The following TIAM1 variants were observed in gnomAD, a reference collection of about 807,000 sequenced individuals.
TIAM1 encodes the protein TIAM Rac1 associated GEF 1, also known as rho guanine nucleotide exchange factor TIAM1.
In TIAM1, 65 loss-of-function variants were observed where a neutral mutation model predicts 163.5. The ratio of observed to expected loss-of-function variants is 0.40; its 90% CI spans 0.33 to 0.49. The LOEUF (loss-of-function observed/expected upper bound fraction) is 0.49, where lower values mean the gene tolerates loss of function less well. Ranked by LOEUF, TIAM1 falls within the 20% of genes least tolerant of loss-of-function variation. TIAM1 has a pLI of 0.77. For synonymous variants in TIAM1, 833 were observed against 810.1 expected, an observed-to-expected ratio of 1.03 and a Z score of -0.48; for missense variants, 1,789 against 2,044.7, an observed-to-expected ratio of 0.87 and a Z score of 2.41.
intron 1 of TIAM1, among the ~76,000 whole-genome samples, chr21:31,532,366 T>G (rs536179938): frequency 6.6e-6 from 1 of 152,304 alleles, no homozygotes; most frequent in Admixed American, 6.5e-5. Context: ...CTCTTCTTGA[T>G]AGGCTGAGCC....
chr21:31,316,328 T>C (rs767287205), intron 2 of TIAM1, among the ~76,000 whole-genome samples: 19 of 152,094 alleles, frequency 1.2e-4, no homozygotes, highest in Non-Finnish European at 2.4e-4. Context: ...TCACTGCTTG[T>C]TCCCAATTAA....
chr21:31,139,242 A>G (rs1254555221), intron 22 of TIAM1, among the ~76,000 whole-genome samples: 1 of 152,192 alleles, frequency 6.6e-6, no homozygotes, highest in African/African-American at 2.4e-5. Context: ...TTTGCTCCTA[A>G]GGTCATTACA....
At chr21:31,210,592 A>AAGAGAG (rs368451168) in intron 10 of TIAM1, among the ~76,000 whole-genome samples, 1 of 88,694 alleles carries the variant, frequency 1.1e-5, no homozygotes, top group Admixed American at 1.3e-4. Flanking sequence ...GAAAGAAAGA[A>AAGAGAG]AGAGAGAAAG....
At chr21:31,400,883 C>G (rs1025588216) in intron 2 of TIAM1, among the ~76,000 whole-genome samples, 7 of 151,696 alleles carry the variant, frequency 4.6e-5, no homozygotes. Flanking sequence ...CTGAGGTCGG[C>G]AGTTCGAGAC....
chr21:31,557,426 G>T (rs528629089), intron 1 of TIAM1, among the ~76,000 whole-genome samples: 1 of 152,128 alleles, frequency 6.6e-6, no homozygotes, highest in Non-Finnish European at 1.5e-5. Context: ...CTATATGGTC[G>T]TTTAAGCCCC....
chr21:31,397,431 T>C (rs1318042020), intron 2 of TIAM1, among the ~76,000 whole-genome samples: 2 of 152,180 alleles, frequency 1.3e-5, no homozygotes, highest in Non-Finnish European at 2.9e-5. Flanking sequence ...TTTCCTCCCA[T>C]TTTAATTCCT....
chr21:31,245,611 G>A lies in TIAM1; in HGVS notation c.1461C>T (p.His487=), dbSNP rs752423075. ...AGACGGCGTGTTTGGGGATGCTGTT[G>A]TGGTCTATCCCAGACCTGCCGTCGC... ...YESDGRSGID[H]NSIPKHAVWV... Residue 487 remains histidine, a synonymous_variant, in exon 6 of 28, where the codon CAC becomes CAT. Transcript: ENST00000541036. 1.2e-6 allele frequency: 2 copies of A among 1,605,862 alleles called. No individual in the cohort carries two copies. The highest frequency in any genetic ancestry group is 1.3e-5 in the African/African-American group (1 of 74,536).
chr21:31,259,531 A>G (rs906927434), intron 4 of TIAM1, among the ~76,000 whole-genome samples: 1 of 151,886 alleles, frequency 6.6e-6, no homozygotes, highest in Non-Finnish European at 1.5e-5. Flanking sequence ...GGATCACTTG[A>G]GCCCAGGAGT....
intron 16 of TIAM1, 100 bp from the exon 17 acceptor site, chr21:31,154,526 C>T: frequency 2.5e-6 from 3 of 1,216,954 alleles, no homozygotes; most frequent in Non-Finnish European, 3.4e-6. Flanking sequence ...GGTTAGTCAA[C>T]TGTCACATAT....
upstream of TIAM1, among the ~76,000 whole-genome samples, chr21:31,346,225 GT>G (rs2076145395): frequency 6.6e-6 from 1 of 152,098 alleles, no homozygotes; most frequent in African/African-American, 2.4e-5. Flanking sequence ...TGATTTAGAA[GT>G]TTCACTATCA....
At chr21:31,241,346 T>C (rs889146019) in intron 6 of TIAM1, among the ~76,000 whole-genome samples, 4 of 152,022 alleles carry the variant, frequency 2.6e-5, no homozygotes, top group African/African-American at 9.7e-5. Context: ...AGATGAAGGC[T>C]AAGGCAGAGA....
chr21:31,305,435 A>AC (rs1322582524), intron 2 of TIAM1, among the ~76,000 whole-genome samples: 1 of 152,078 alleles, frequency 6.6e-6, no homozygotes, highest in Non-Finnish European at 1.5e-5. Flanking sequence ...AAAAAAAAAA[A>AC]AAACAGTTCT....
rs115727439 is a variant in TIAM1 at position 31,450,959 on chromosome 21, A to C, written c.-369+13024T>G. ...TTGGGTGGGGACACAGCCAAACCAT[A>C]TCAAGAGTCTATCAAAACAGTCCTT... On this transcript the variant is annotated intron_variant, in intron 2 of 28. Coordinates refer to the TIAM1 transcript ENST00000286827. 7.2e-3 allele frequency among the ~76,000 whole-genome samples: 1,094 copies of C among 152,220 alleles called. 17 individuals are homozygous for C. The highest frequency in any genetic ancestry group is 0.025 in the African/African-American group (1,037 of 41,510).
chr21:31,393,835 G>A (rs1602170568), intron 2 of TIAM1, among the ~76,000 whole-genome samples: 1 of 152,140 alleles, frequency 6.6e-6, no homozygotes, highest in South Asian at 2.1e-4. Flanking sequence ...TAACCATATG[G>A]CCTGCATTTC....
intron 2 of TIAM1, among the ~76,000 whole-genome samples, chr21:31,453,732 A>G (rs1337874344): frequency 6.6e-6 from 1 of 150,842 alleles, no homozygotes; most frequent in Non-Finnish European, 1.5e-5. Context: ...ATAAATAAAT[A>G]AATTTTAAAA....
At chr21:31,203,046 C>A (rs750237024) in intron 11 of TIAM1, 34 bp from the exon 12 acceptor site, 39 of 1,539,482 alleles carry the variant, frequency 2.5e-5, no homozygotes, top group Non-Finnish European at 3.0e-5. Flanking sequence ...AAGAAAATGT[C>A]TGTTCAATAG....
chr21:31,291,511 ATTTATTTATTTG>A (rs1452605064), intron 2 of TIAM1, among the ~76,000 whole-genome samples: 1 of 151,840 alleles, frequency 6.6e-6, no homozygotes, highest in African/African-American at 2.4e-5. Context: ...CCATGCCTTT[ATTTATTTATTTG>A]TTTATTTATT....
At position 31,395,111 on chromosome 21, in the gene TIAM1, G is replaced by A. The variant is rs935026565; in HGVS notation, c.-368-55689C>T. On this transcript the variant is annotated intron_variant, in intron 2 of 28. Transcript: ENST00000286827. The surrounding 1 kb of genome is among the most constrained non-coding windows in gnomAD (Gnocchi z 7.5). Reference sequence around the variant, plus strand: ...ACATTAGCCAGGCATGGTGGCGCGTGCCTGTAGTCCCAGCTACTTGGGAGG... The same window carrying A: ...ACATTAGCCAGGCATGGTGGCGCGTACCTGTAGTCCCAGCTACTTGGGAGG... Among the ~76,000 whole-genome samples the A allele has an allele frequency of 6.6e-6, 1 of 152,078 alleles. No homozygotes were observed. The highest frequency in any genetic ancestry group is 2.4e-5 in the African/African-American group (1 of 41,408).
In TIAM1 at chr21:31,546,156, C is replaced by T. The variant is rs1324642508; in HGVS notation, c.-422+12771G>A. On this transcript the variant is annotated intron_variant, in intron 1 of 28. Coordinates refer to the TIAM1 transcript ENST00000286827. ...TATTTATAATGGGTATTCTGGCACA[C>T]TTTATGTAATGAAAAGAGGTATTTG... Among the ~76,000 whole-genome samples, 3 of 147,576 alleles carry T rather than the reference C, an allele frequency of 2.0e-5. No homozygotes were observed. In the South Asian group the frequency reaches 6.6e-4, roughly 32 times the overall value.
Sources: gnomAD v4.1 joint callset for allele counts (sites outside exome capture counted in the v4.1 genomes callset) on GRCh38, gnomAD v4.1.1 for gene constraint, Gnocchi (gnomAD v3.1) non-coding constraint, MANE v1.5 for transcripts, NCBI Gene and HGNC (gene_info 2026-07-23, HGNC 2026-07-21) for gene names.